Variants in NEBL observed in about 807,000 individuals in gnomAD.
NEBL encodes the protein nebulette.
In NEBL, 122 loss-of-function variants were observed where a neutral mutation model predicts 140.2. That is an observed-to-expected ratio of 0.87 (90% confidence interval 0.75 to 1.01). The LOEUF (loss-of-function observed/expected upper bound fraction) is 1.01, where lower values mean the gene tolerates loss of function less well. Ranked by LOEUF, NEBL falls within the 50% of genes least tolerant of loss-of-function variation. The probability of loss-of-function intolerance (pLI) is 0.00; values close to 1 mark genes in which losing one functional copy is unlikely to be tolerated. For synonymous variants in NEBL, 436 were observed against 398.9 expected (o/e 1.09, Z -1.11); for missense variants, 1,365 against 1,231.3 (o/e 1.11, Z -1.62).
rs1277289742 is a variant in NEBL at position 21,143,739 on chromosome 10, C to T, written c.164+28644G>A. ...GATTCCCTACGTGTTCAATAAGTGA[C>T]TTGAACCAGAGAGCTCTGAAGGTTG... is the stretch of plus-strand genomic sequence containing the variant. On this transcript the variant is annotated intron_variant, in intron 2 of 6. Coordinates refer to the NEBL transcript ENST00000417816. Among the ~76,000 whole-genome samples the T allele has an allele frequency of 3.9e-5, 6 of 152,028 alleles. No individual in the cohort carries two copies. The East Asian group carries it at 1.2e-3, about 29-fold the overall frequency.
intron 4 of NEBL, among the ~76,000 whole-genome samples, chr10:20,945,122 A>G (rs897480663): frequency 6.6e-6 from 1 of 152,190 alleles, no homozygotes; most frequent in Non-Finnish European, 1.5e-5. Flanking sequence ...CTCATTCTTC[A>G]TTCCTGTACG....
intron 3 of NEBL, among the ~76,000 whole-genome samples, chr10:21,216,271 C>G (rs1841991871): frequency 6.6e-6 from 1 of 152,186 alleles, no homozygotes; most frequent in Non-Finnish European, 1.5e-5. Context: ...GTGCCTGTGG[C>G]TACTTCAATG....
At chr10:21,289,176 C>T (rs1409703988) in intron 1 of NEBL, among the ~76,000 whole-genome samples, 3 of 151,912 alleles carry the variant, frequency 2.0e-5, no homozygotes, top group Non-Finnish European at 4.4e-5. Flanking sequence ...GGGCAGTAAT[C>T]AGGACTTAAG....
chr10:20,992,343 CG>C (rs1837489948), intron 3 of NEBL, among the ~76,000 whole-genome samples: 1 of 152,152 alleles, frequency 6.6e-6, no homozygotes, highest in Non-Finnish European at 1.5e-5. Context: ...CTTTCTCAAC[CG>C]CCCTTGCAGT....
chr10:21,163,411 C>A (rs1840634993), intron 2 of NEBL, among the ~76,000 whole-genome samples: 1 of 152,296 alleles, frequency 6.6e-6, no homozygotes, highest in South Asian at 2.1e-4. Context: ...TTATAGGGCA[C>A]GTCTTTCTGC....
chr10:21,068,905 A>G lies in NEBL; in HGVS notation c.165-48704T>C, dbSNP rs1479394861. Among the ~76,000 whole-genome samples, 9 of 152,070 alleles carry G rather than the reference A, an allele frequency of 5.9e-5. No homozygotes were observed. The East Asian group carries it at 1.7e-3, about 29-fold the overall frequency. ...TTGTTATTGTTGTTGTTGTTGTTTAAGACTGATTCTCACTCTGTCACCCAG... is the reference window on the plus strand; with the variant it reads ...TTGTTATTGTTGTTGTTGTTGTTTAGGACTGATTCTCACTCTGTCACCCAG... On this transcript the variant is annotated intron_variant, in intron 2 of 6. Transcript: ENST00000417816.
intron 3 of NEBL, among the ~76,000 whole-genome samples, chr10:20,999,177 A>AG (rs1315979827): frequency 2.7e-5 from 4 of 150,766 alleles, no homozygotes; most frequent in Admixed American, 1.3e-4. Flanking sequence ...AAAAAAAAAA[A>AG]GGCTGTCAGG....
intron 7 of NEBL, among the ~76,000 whole-genome samples, chr10:20,862,244 T>C (rs1588857241): frequency 6.6e-6 from 1 of 152,324 alleles, no homozygotes; most frequent in African/African-American, 2.4e-5. Context: ...TTAAATGTAA[T>C]AATAAGCATT....
At chr10:20,961,983 G>C (rs1416214208) in intron 3 of NEBL, among the ~76,000 whole-genome samples, 1 of 152,174 alleles carries the variant, frequency 6.6e-6, no homozygotes, top group Non-Finnish European at 1.5e-5. Flanking sequence ...GTGACTTTAA[G>C]CAAGTTCTTT....
chr10:20,981,964 G>T (rs1382728454), intron 3 of NEBL, among the ~76,000 whole-genome samples: 5 of 152,100 alleles, frequency 3.3e-5, no homozygotes, highest in African/African-American at 9.7e-5. Context: ...CTAACAAAAA[G>T]AATTCCTAAC....
At chr10:21,050,189 T>C (rs144772303) in intron 2 of NEBL, among the ~76,000 whole-genome samples, 405 of 152,350 alleles carry the variant, frequency 2.7e-3, no homozygotes, top group African/African-American at 9.1e-3. Context: ...CTCTTTTGCC[T>C]GGACATCATT....
chr10:21,175,116 T>C (rs1212985015), upstream of NEBL: 2 of 152,218 alleles, frequency 1.3e-5, no homozygotes, highest in Non-Finnish European at 2.9e-5. Flanking sequence ...TTTAATAAGA[T>C]GTCAGGTTAT....
chr10:21,110,371 C>CA (rs1218691577), intron 2 of NEBL, among the ~76,000 whole-genome samples: 1 of 152,094 alleles, frequency 6.6e-6, no homozygotes, highest in Non-Finnish European at 1.5e-5. Flanking sequence ...AGTGAGCTTT[C>CA]ATAGTATGCA....
chr10:21,214,596 CAT>C (rs1257372337), intron 3 of NEBL, among the ~76,000 whole-genome samples: 8 of 150,756 alleles, frequency 5.3e-5, no homozygotes, highest in East Asian at 3.9e-4. Flanking sequence ...ATTACACACA[CAT>C]ATACACATGC....
chr10:20,858,779 A>G (rs902999387), intron 8 of NEBL, among the ~76,000 whole-genome samples: 15 of 152,178 alleles, frequency 9.9e-5, no homozygotes, highest in African/African-American at 3.6e-4. Context: ...GTAATAATAA[A>G]CCATTGATAG....
At chr10:21,172,285 G>C in intron 2 of NEBL, 1 of 935,040 alleles carries the variant, frequency 1.1e-6, no homozygotes, top group Non-Finnish European at 1.7e-6. Context: ...TGCCACACCT[G>C]GGTGACACAG....
intron 3 of NEBL, among the ~76,000 whole-genome samples, chr10:21,007,169 A>C (rs1166641148): frequency 6.6e-6 from 1 of 151,812 alleles, no homozygotes; most frequent in Non-Finnish European, 1.5e-5. Context: ...CCCAATAAAC[A>C]CCTCTAAGTC....
chr10:21,061,364 TCA>T (rs1554822048), intron 2 of NEBL, among the ~76,000 whole-genome samples: 79 of 88,844 alleles, frequency 8.9e-4, no homozygotes, highest in African/African-American at 2.1e-3. Context: ...AATATATGGG[TCA>T]GATTTATGTT....
intron 24 of NEBL, among the ~76,000 whole-genome samples, chr10:20,812,275 T>A (rs1436993005): frequency 6.6e-6 from 1 of 152,150 alleles, no homozygotes; most frequent in Non-Finnish European, 1.5e-5. Flanking sequence ...ACCATTGTGA[T>A]CACTCATATC....
Sources: allele counts gnomAD v4.1 joint callset (sites outside exome capture counted in the v4.1 genomes callset), GRCh38; gene constraint gnomAD v4.1.1; transcripts MANE v1.5; gene names NCBI Gene and HGNC (gene_info 2026-07-23, HGNC 2026-07-21).